Variants in SLC9A9 observed in about 807,000 individuals in gnomAD.
SLC9A9 encodes the protein sodium/hydrogen exchanger 9.
A neutral mutation model predicts 77.8 loss-of-function variants in SLC9A9; 62 were observed. The observed-to-expected ratio is 0.80, with a 90% CI of 0.65 to 0.98. The LOEUF (loss-of-function observed/expected upper bound fraction) is 0.98, where lower values mean the gene tolerates loss of function less well. Ranked by LOEUF, SLC9A9 falls within the 50% of genes least tolerant of loss-of-function variation. SLC9A9 has a pLI of 0.00. For missense variants in SLC9A9, 775 were observed against 774.9 expected, an observed-to-expected ratio of 1.00 and a Z score of 0.00; for synonymous variants, 320 against 283.5, an observed-to-expected ratio of 1.13 and a Z score of -1.29.
chr3:143,423,216 TAC>T (rs68149837), intron 12 of SLC9A9, among the ~76,000 whole-genome samples: 28,552 of 144,092 alleles, frequency 0.2, 3,213 homozygotes, highest in African/African-American at 0.31. Flanking sequence ...CACACACACG[TAC>T]ACACACACAC....
At chr3:143,436,209 C>T (rs776951132) in intron 12 of SLC9A9, among the ~76,000 whole-genome samples, 12 of 152,174 alleles carry the variant, frequency 7.9e-5, no homozygotes, top group Non-Finnish European at 1.5e-4. Context: ...CTTCCACATG[C>T]GACCTCGTCT....
At chr3:143,490,984 T>C (rs1173915407) in intron 11 of SLC9A9, among the ~76,000 whole-genome samples, 1 of 152,242 alleles carries the variant, frequency 6.6e-6, no homozygotes, top group Non-Finnish European at 1.5e-5. Context: ...ATCTCTTTGA[T>C]GTTCAGATTC....
At chr3:143,441,359 G>GTACT (rs1225617874) in intron 12 of SLC9A9, among the ~76,000 whole-genome samples, 1 of 152,146 alleles carries the variant, frequency 6.6e-6, no homozygotes, top group Non-Finnish European at 1.5e-5. Context: ...GGTGGGAAGT[G>GTACT]TACTTATGAA....
chr3:143,346,142 C>T (rs779625490), intron 14 of SLC9A9, among the ~76,000 whole-genome samples: 5 of 152,106 alleles, frequency 3.3e-5, no homozygotes, highest in Non-Finnish European at 7.3e-5. Context: ...TATATTCTTA[C>T]CTGAATATAG....
chr3:143,501,903 A>T (rs2035929784), intron 9 of SLC9A9, among the ~76,000 whole-genome samples: 1 of 150,812 alleles, frequency 6.6e-6, no homozygotes, highest in Non-Finnish European at 1.5e-5. Context: ...TGACAGAACC[A>T]ATTTGACCGT....
chr3:143,524,110 A>G (rs947809128), intron 9 of SLC9A9, among the ~76,000 whole-genome samples: 1 of 152,166 alleles, frequency 6.6e-6, no homozygotes, highest in Non-Finnish European at 1.5e-5. Flanking sequence ...GTTTCAGAGA[A>G]ACCAAGTGAA....
chr3:143,664,455 A>T (rs1441326720), intron 5 of SLC9A9, among the ~76,000 whole-genome samples: 2 of 152,368 alleles, frequency 1.3e-5, no homozygotes, highest in Admixed American at 6.5e-5. Flanking sequence ...CATCATACTG[A>T]CAGGACCAAA....
intron 14 of SLC9A9, among the ~76,000 whole-genome samples, chr3:143,280,094 TA>T (rs1338705183): frequency 6.6e-6 from 1 of 152,226 alleles, no homozygotes; most frequent in African/African-American, 2.4e-5. Flanking sequence ...GTGCTGGGAT[TA>T]TAGGCATGAG....
At chr3:143,474,041 A>G (rs1295390101) in intron 11 of SLC9A9, among the ~76,000 whole-genome samples, 1 of 152,180 alleles carries the variant, frequency 6.6e-6, no homozygotes, top group African/African-American at 2.4e-5. Flanking sequence ...TGGTTAGGAA[A>G]GCCTCTCTGG....
At chr3:143,753,093 G>A (rs78089913) in intron 4 of SLC9A9, among the ~76,000 whole-genome samples, 5,661 of 152,280 alleles carry the variant, frequency 0.037, 150 homozygotes, top group Middle Eastern at 0.061. Context: ...CTTATTTGAA[G>A]TTCAGACCTT....
At chr3:143,616,907 G>C (rs747188871) in intron 6 of SLC9A9, among the ~76,000 whole-genome samples, 1 of 152,044 alleles carries the variant, frequency 6.6e-6, no homozygotes, top group Non-Finnish European at 1.5e-5. Flanking sequence ...TACTAGATAA[G>C]TGCCTGCCTG....
chr3:143,844,584 T>C (rs891398312), intron 1 of SLC9A9, among the ~76,000 whole-genome samples: 1 of 152,148 alleles, frequency 6.6e-6, no homozygotes, highest in Non-Finnish European at 1.5e-5. Context: ...TAGGTGCAGG[T>C]CCACTAAATC....
chr3:143,564,721 G>A (rs114290176), intron 8 of SLC9A9, among the ~76,000 whole-genome samples: 1 of 152,088 alleles, frequency 6.6e-6, no homozygotes, highest in Non-Finnish European at 1.5e-5. Context: ...ATGCATCTGT[G>A]GAATATAAGA....
chr3:143,453,469 GAAAAA>G (rs1433811654), intron 12 of SLC9A9, among the ~76,000 whole-genome samples: 1 of 151,956 alleles, frequency 6.6e-6, no homozygotes, highest in Non-Finnish European at 1.5e-5. Flanking sequence ...AAATTTTAGG[GAAAAA>G]TAGTTATCTT....
At chr3:143,826,096 T>C (rs2009289719) in intron 2 of SLC9A9, among the ~76,000 whole-genome samples, 1 of 151,988 alleles carries the variant, frequency 6.6e-6, no homozygotes. Context: ...CCATCTCTAC[T>C]AAGAATACGA....
intron 12 of SLC9A9, among the ~76,000 whole-genome samples, chr3:143,452,071 C>T (rs1530216): frequency 0.48 from 72,881 of 151,794 alleles, 18,034 homozygotes; most frequent in African/African-American, 0.59. Context: ...ATGTAATAGT[C>T]GAATCAGATG....
chr3:143,488,177 A>G (rs2035682397), intron 11 of SLC9A9, among the ~76,000 whole-genome samples: 1 of 151,956 alleles, frequency 6.6e-6, no homozygotes, highest in African/African-American at 2.4e-5. Flanking sequence ...TCCTAGAAAT[A>G]CAAAGCTTAC....
intron 4 of SLC9A9, among the ~76,000 whole-genome samples, chr3:143,770,614 G>A (rs1428280661): frequency 6.6e-6 from 1 of 152,102 alleles, no homozygotes; most frequent in Non-Finnish European, 1.5e-5. Flanking sequence ...AAGTACTTGA[G>A]GAAAACAAGA....
At chr3:143,329,815 C>T (rs117410431) in intron 14 of SLC9A9, among the ~76,000 whole-genome samples, 2,357 of 152,240 alleles carry the variant, frequency 0.015, 94 homozygotes, top group East Asian at 0.11. Context: ...CCTCGTGCCC[C>T]GGTGCACAGC....
Sources: allele counts gnomAD v4.1 joint callset (sites outside exome capture counted in the v4.1 genomes callset), GRCh38; gene constraint gnomAD v4.1.1; transcripts MANE v1.5; gene names NCBI Gene and HGNC (gene_info 2026-07-23, HGNC 2026-07-21).